NIT2: variants seen among roughly 807,000 people sequenced by gnomAD.
The protein encoded by NIT2 is omega-amidase NIT2.
A neutral mutation model predicts 42.7 loss-of-function variants in NIT2; 46 were observed. That is an observed-to-expected ratio of 1.08 (90% CI 0.85 to 1.38). The LOEUF is 1.38. Ranked by LOEUF, NIT2 falls within the 40% of genes most tolerant of loss-of-function variation. NIT2 has a pLI of 0.00. For synonymous variants in NIT2, 123 were observed against 121.9 expected, an observed-to-expected ratio of 1.01 and a Z score of -0.06; for missense variants, 309 against 342.5, an observed-to-expected ratio of 0.90 and a Z score of 0.77.
chr3:100,341,002 C>A (rs1275530316), intron 3 of NIT2, 71 bp from the exon 4 acceptor site: 1 of 1,023,444 alleles, frequency 9.8e-7, no homozygotes, highest in Non-Finnish European at 1.5e-6. Flanking sequence ...AGTTATCAGG[C>A]TTTTATCCCT....
chr3:100,348,247 GGTGGA>G (rs764861746), intron 6 of NIT2, among the ~76,000 whole-genome samples: 15 of 152,324 alleles, frequency 9.8e-5, no homozygotes, highest in Non-Finnish European at 2.1e-4. Context: ...CCTAGAAAAA[GGTGGA>G]GATTTCTCGG....
intron 8 of NIT2, among the ~76,000 whole-genome samples, chr3:100,353,142 T>G (rs1431591102): frequency 6.6e-6 from 1 of 152,176 alleles, no homozygotes; most frequent in Non-Finnish European, 1.5e-5. Context: ...TAAGCCCAGT[T>G]TATAGATGGT....
intron 1 of NIT2, among the ~76,000 whole-genome samples, chr3:100,338,231 C>CT (rs2148880590): frequency 6.6e-6 from 1 of 152,274 alleles, no homozygotes; most frequent in African/African-American, 2.4e-5. Flanking sequence ...GAGCACAGAC[C>CT]TTGTCAGGGC....
At chr3:100,354,968 G>C in intron 9 of NIT2, 141 bp downstream of exon 9, 1 of 833,924 alleles carries the variant, frequency 1.2e-6, no homozygotes, top group Non-Finnish European at 1.9e-6. Context: ...TCTAGGGTCT[G>C]GTTCTCTGGC....
At position 100,339,811 on chromosome 3, in the gene NIT2, C is replaced by T; in HGVS notation, c.127-4C>T. On this transcript the variant is annotated splice_region_variant and splice_polypyrimidine_tract_variant and intron_variant, in intron 2 of 9. Transcript: ENST00000394140. ...TTTTTTTTTCTCTGCCAATATTTTT[C>T]TAGGAATGCTTTAATTCTCCATATG... 1 of 1,592,976 alleles carries T rather than the reference C, an allele frequency of 6.3e-7. No homozygotes were observed. The highest frequency in any genetic ancestry group is 1.1e-5 in the South Asian group (1 of 87,094).
rs1380532078 is a variant in NIT2 at position 100,348,871 on chromosome 3, C to A, written c.574C>A (p.Gln192Lys). 3 of 1,613,648 alleles carry A rather than the reference C, an allele frequency of 1.9e-6. No homozygotes were observed. The African/African-American group carries it at 4.0e-5, about 22-fold the overall frequency. Residue 192 changes from glutamine to lysine, a missense_variant, in exon 7 of 10, where the codon CAG becomes AAG. By Grantham distance (53) the Gln-to-Lys change is moderately conservative. Coordinates refer to ENST00000394140, the MANE Select transcript of NIT2 (RefSeq NM_020202.5). ...TGGACCAGCCCATTGGGAGTTACTT[C>A]AGCGAAGCCGGTAAGAAAGGAACCA... ...TTGPAHWELL[Q>K]RSRAVDNQVY...
chr3:100,338,249 A>G (rs761415352), intron 1 of NIT2, among the ~76,000 whole-genome samples: 22 of 152,208 alleles, frequency 1.4e-4, no homozygotes, highest in Non-Finnish European at 7.4e-5. Context: ...GGCTGGCTAC[A>G]TAATTTGTGG....
intron 6 of NIT2, among the ~76,000 whole-genome samples, chr3:100,346,973 T>C (rs759417870): frequency 6.6e-6 from 1 of 152,102 alleles, no homozygotes; most frequent in Non-Finnish European, 1.5e-5. Context: ...GAGCCATATA[T>C]CAATAAGCCT....
At chr3:100,346,144 T>G in intron 5 of NIT2, 37 bp from the exon 6 acceptor site, 2 of 1,571,270 alleles carry the variant, frequency 1.3e-6, no homozygotes, top group South Asian at 2.2e-5. Flanking sequence ...CTGTAGGGAG[T>G]TAACTTTTCA....
Position 100,356,538 on chromosome 3 carries a change from GGACACGGTGTCCAAAT to G in NIT2, c.*1282_*1297del, listed in dbSNP as rs1414510728. 6.6e-6 allele frequency: 1 copy of G among 152,130 alleles called. No homozygotes were observed. Among genetic ancestry groups the G allele is most frequent in the African/African-American group, 2.4e-5 (1 of 41,428 alleles). 9.4% of individuals were successfully genotyped at this position (152,130 alleles called of 1,614,324 possible). ...ACATTCCATTAGCTATTAAGGTGAT[GGACACGGTGTCCAAAT>G]GACACGGTGTCATTTAACTTCTGGA... is the stretch of plus-strand genomic sequence containing the variant. On this transcript the variant is annotated 3_prime_UTR_variant, in exon 10 of 10. Coordinates refer to ENST00000394140, the MANE Select transcript of NIT2 (RefSeq NM_020202.5).
intron 5 of NIT2, 179 bp downstream of exon 5, chr3:100,345,857 A>C: frequency 1.6e-6 from 1 of 611,850 alleles, no homozygotes; most frequent in Non-Finnish European, 2.9e-6. Flanking sequence ...TAAGGATTTG[A>C]CACGATTTTG....
At position 100,352,503 on chromosome 3, in the gene NIT2, G is replaced by A. The variant is rs1219985974; in HGVS notation, c.683+1G>A. 1.6e-5 allele frequency: 25 copies of A among 1,611,184 alleles called. No homozygotes were observed. Among genetic ancestry groups the A allele is most frequent in the Non-Finnish European group, 2.0e-5 (23 of 1,177,860 alleles). On this transcript the variant is annotated splice_donor_variant, in intron 8 of 9. Transcript: ENST00000394140. LOFTEE classifies it high-confidence loss of function. ...GACACAGCACCGTGGTGAACCCTTG[G>A]TGAGTAAGGCTAAGTGAGAATAGGC... is the stretch of plus-strand genomic sequence containing the variant.
At chr3:100,350,185 T>C (rs1156585994) in intron 7 of NIT2, among the ~76,000 whole-genome samples, 1 of 152,138 alleles carries the variant, frequency 6.6e-6, no homozygotes, top group East Asian at 1.9e-4. Flanking sequence ...GGAAAGAGGT[T>C]TTAGCTGGTT....
At chr3:100,354,982 T>G (rs277646) in intron 9 of NIT2, among the ~76,000 whole-genome samples, 155 bp downstream of exon 9, 112,209 of 152,038 alleles carry the variant, frequency 0.74, 42,325 homozygotes, top group East Asian at 0.93. Flanking sequence ...CTCTGGCCAA[T>G]CCCTGGGGAG....
chr3:100,338,107 A>G (rs1481809963), intron 1 of NIT2, among the ~76,000 whole-genome samples: 1 of 152,170 alleles, frequency 6.6e-6, no homozygotes, highest in South Asian at 2.1e-4. Context: ...AGTGATTATC[A>G]TAAAAGCTAA....
Position 100,358,247 on chromosome 3 carries a change from C to T in NIT2, c.*2979C>T, listed in dbSNP as rs1706342172. On this transcript the variant is annotated 3_prime_UTR_variant, in exon 10 of 10. Transcript: ENST00000394140. Reference sequence around the variant, plus strand: ...TTTATTCTCAGAAAATGTGTGGTAACCTGGCCCTGGATTTTACCTTTTTGC... The same window carrying T: ...TTTATTCTCAGAAAATGTGTGGTAATCTGGCCCTGGATTTTACCTTTTTGC... 1 of 152,042 alleles carries T rather than the reference C, an allele frequency of 6.6e-6. No homozygotes were observed. The highest frequency in any genetic ancestry group is 6.5e-5 in the Admixed American group (1 of 15,276). 9.4% of individuals were successfully genotyped at this position (152,042 alleles called of 1,614,324 possible). A position where few individuals can be genotyped will look rare whatever the true frequency, so the allele number is the denominator to read the frequency against.
chr3:100,350,303 G>A (rs560303761), intron 7 of NIT2, among the ~76,000 whole-genome samples: 4 of 152,330 alleles, frequency 2.6e-5, no homozygotes, highest in South Asian at 4.1e-4. Context: ...CCCAGCATGG[G>A]TCTGTTAAGT....
intron 3 of NIT2, among the ~76,000 whole-genome samples, 177 bp downstream of exon 3, chr3:100,340,112 C>T (rs1456748543): frequency 6.6e-6 from 1 of 152,028 alleles, no homozygotes; most frequent in African/African-American, 2.4e-5. Flanking sequence ...GCTTTGTCAC[C>T]CGTGCTAGAG....
Position 100,354,791 on chromosome 3 carries a change from G to T in NIT2, c.703G>T (p.Ala235Ser). Residue 235 changes from alanine (A) to serine (S), a missense_variant, in exon 9 of 10, where the codon GCT (alanine) becomes TCT (serine). Transcript: ENST00000394140. Reference sequence around the variant, plus strand: ...TTTCAGGGGGGAGGTTCTAGCCAAAGCTGGCACAGAAGAAGCAATCGTGTA... The same window carrying T: ...TTTCAGGGGGGAGGTTCTAGCCAAATCTGGCACAGAAGAAGCAATCGTGTA... ...VNPWGEVLAK[A>S]GTEEAIVYSD... 1 of 1,609,800 alleles carries T rather than the reference G, an allele frequency of 6.2e-7. No homozygotes were observed. The highest frequency in any genetic ancestry group is 1.7e-4 in the Middle Eastern group (1 of 6,054).
Sources: allele counts gnomAD v4.1 joint callset (sites outside exome capture counted in the v4.1 genomes callset), GRCh38; gene constraint gnomAD v4.1.1; transcripts MANE v1.5; gene names NCBI Gene and HGNC (gene_info 2026-07-23, HGNC 2026-07-21).